Variants in SEMA3C observed in about 807,000 individuals in gnomAD.
SEMA3C encodes semaphorin-3C.
In SEMA3C, 47 loss-of-function variants were observed where a neutral mutation model predicts 89.4. The ratio of observed to expected loss-of-function variants is 0.53; its 90% CI spans 0.42 to 0.67. The LOEUF (loss-of-function observed/expected upper bound fraction) is 0.67. Ranked by LOEUF, SEMA3C falls within the 30% of genes least tolerant of loss-of-function variation. The pLI, the probability that SEMA3C is intolerant of heterozygous loss-of-function variation, is 0.00. For missense variants in SEMA3C, 839 were observed against 929.1 expected (o/e 0.90, Z 1.26); for synonymous variants, 310 against 320.2 (o/e 0.97, Z 0.34).
intron 12 of SEMA3C, among the ~76,000 whole-genome samples, chr7:80,789,082 A>C (rs1025600848): frequency 6.6e-6 from 1 of 151,950 alleles, no homozygotes; most frequent in South Asian, 2.1e-4. Context: ...TATAATGTAT[A>C]TATCTCTATA....
In SEMA3C at chr7:80,745,216, G is replaced by C. The variant is rs76734464; in HGVS notation, c.1934C>G (p.Ala645Gly). The C allele has an allele frequency of 1.6e-3, 2,541 of 1,613,988 alleles. 31 individuals carry two copies. The African/African-American group carries it at 0.029, about 19-fold the overall frequency. ...GSDQGLYHCIATENSFKQTIA... is the reference protein window; with the variant it reads ...GSDQGLYHCIGTENSFKQTIA... ...GGTCTGCTTGAAACTATTTTCTGTA[G>C]CAATGCAGTGATAAAGTCCTTGGTC... is the stretch of plus-strand genomic sequence containing the variant. The change falls in exon 18 of 18, where the codon GCT becomes GGT. Residue 645 changes from alanine to glycine, a missense_variant. Ala to Gly is a moderately conservative substitution (Grantham distance 60). Transcript: ENST00000265361.
intron 2 of SEMA3C, among the ~76,000 whole-genome samples, chr7:80,871,612 T>C (rs1203494628): frequency 1.3e-5 from 2 of 152,224 alleles, no homozygotes; most frequent in African/African-American, 4.8e-5. Flanking sequence ...CAGTAGGATA[T>C]AAATAACTCC....
chr7:80,888,694 T>A (rs7806477), intron 2 of SEMA3C, among the ~76,000 whole-genome samples: 3,387 of 152,156 alleles, frequency 0.022, 118 homozygotes, highest in African/African-American at 0.076. Context: ...GTATGAAGAT[T>A]TTTATACCAA....
chr7:80,796,841 A>C (rs1789077439), intron 11 of SEMA3C, among the ~76,000 whole-genome samples: 1 of 152,212 alleles, frequency 6.6e-6, no homozygotes, highest in Non-Finnish European at 1.5e-5. Context: ...AACAAAACTT[A>C]AGCTTTAAAA....
Position 80,833,060 on chromosome 7 carries a change from G to C in SEMA3C, c.104-4315C>G, listed in dbSNP as rs191289395. ...AAAACCAAGAGTGTGATCTTAGCTG[G>C]GAAAATAGGCTCAACTAAATTTTAT... On this transcript the variant is annotated intron_variant, in intron 2 of 17. Coordinates refer to ENST00000265361, the MANE Select transcript of SEMA3C (RefSeq NM_006379.5). 6.0e-4 allele frequency among the ~76,000 whole-genome samples: 91 copies of C among 151,992 alleles called. 1 individual carries two copies. Among genetic ancestry groups the C allele is most frequent in the Admixed American group, 1.2e-3 (19 of 15,234 alleles).
At chr7:80,745,423 C>T in intron 17 of SEMA3C, 116 bp from the exon 18 acceptor site, 1 of 996,082 alleles carries the variant, frequency 1.0e-6, no homozygotes, top group Non-Finnish European at 1.5e-6. Context: ...GTATTGAGCA[C>T]TACTTAGCAT....
chr7:80,856,400 G>A (rs966021920), intron 2 of SEMA3C, among the ~76,000 whole-genome samples: 2 of 151,572 alleles, frequency 1.3e-5, no homozygotes, highest in African/African-American at 2.4e-5. Flanking sequence ...GTGAACTAAC[G>A]AAATGATAAC....
At chr7:80,863,981 T>A (rs541311601) in intron 2 of SEMA3C, among the ~76,000 whole-genome samples, 1 of 143,342 alleles carries the variant, frequency 7.0e-6, no homozygotes, top group African/African-American at 2.7e-5. Context: ...ATATCACATA[T>A]ATCACATGTA....
chr7:80,856,786 C>T (rs1035800151), intron 2 of SEMA3C, among the ~76,000 whole-genome samples: 8 of 152,006 alleles, frequency 5.3e-5, no homozygotes, highest in Non-Finnish European at 1.2e-4. Context: ...AGAAACTGGA[C>T]CTAATCTTAA....
chr7:80,770,537 T>C (rs945458017), intron 12 of SEMA3C, among the ~76,000 whole-genome samples: 3 of 152,262 alleles, frequency 2.0e-5, no homozygotes, highest in African/African-American at 7.2e-5. Context: ...ATAATAACCA[T>C]GCTTTTCATA....
chr7:80,874,135 C>G lies in SEMA3C; in HGVS notation c.103+42544G>C, dbSNP rs115686936. On this transcript the variant is annotated intron_variant, in intron 2 of 17. Transcript: ENST00000265361. The stretch of plus-strand genomic sequence containing the variant: ...TAATCAATGGTTTTGGAGCTTTTCA[C>G]AGTAAGTTATCTCATCCATTAGACT... Among the ~76,000 whole-genome samples, 657 of 152,242 alleles carry G rather than the reference C, an allele frequency of 4.3e-3. 5 individuals are homozygous for G. Among genetic ancestry groups the G allele is most frequent in the African/African-American group, 0.015 (604 of 41,552 alleles).
intron 12 of SEMA3C, among the ~76,000 whole-genome samples, chr7:80,767,306 G>C (rs1788327270): frequency 6.6e-6 from 1 of 152,156 alleles, no homozygotes; most frequent in Non-Finnish European, 1.5e-5. Flanking sequence ...TTTGAAATTA[G>C]ATGATCCAAA....
chr7:80,849,828 T>C (rs1790472210), intron 2 of SEMA3C, among the ~76,000 whole-genome samples: 1 of 152,168 alleles, frequency 6.6e-6, no homozygotes, highest in Admixed American at 6.5e-5. Context: ...AGAATATTCA[T>C]TTATATAACA....
chr7:80,750,469 T>TAC (rs1458342632), intron 16 of SEMA3C, among the ~76,000 whole-genome samples: 47 of 50,202 alleles, frequency 9.4e-4, no homozygotes, highest in Admixed American at 3.1e-3. Context: ...TATATATATA[T>TAC]ATATACACAC....
chr7:80,878,309 C>T (rs184558497), intron 2 of SEMA3C, among the ~76,000 whole-genome samples: 53 of 152,086 alleles, frequency 3.5e-4, no homozygotes, highest in Middle Eastern at 3.4e-3. Flanking sequence ...ACCTGGGAGG[C>T]GGAGGTTGCG....
chr7:80,799,681 A>T (rs897254967), intron 10 of SEMA3C, among the ~76,000 whole-genome samples: 4 of 151,724 alleles, frequency 2.6e-5, no homozygotes, highest in African/African-American at 4.8e-5. Flanking sequence ...GTCTCTACTA[A>T]AAATAAATAA....
chr7:80,761,162 TA>T (rs2117052379), intron 14 of SEMA3C, among the ~76,000 whole-genome samples: 1 of 152,256 alleles, frequency 6.6e-6, no homozygotes, highest in Non-Finnish European at 1.5e-5. Flanking sequence ...AATATTTCCT[TA>T]AAAATAAGCA....
chr7:80,788,941 CAAG>C (rs1480565697), intron 12 of SEMA3C, among the ~76,000 whole-genome samples: 3 of 152,110 alleles, frequency 2.0e-5, no homozygotes, highest in South Asian at 2.1e-4. Context: ...TCCATTGAGA[CAAG>C]AAGAAGTTTT....
At chr7:80,920,365 C>G (rs1051248856), upstream of SEMA3C, among the ~76,000 whole-genome samples, 1 of 152,158 alleles carries the variant, frequency 6.6e-6, no homozygotes, top group Non-Finnish European at 1.5e-5. Flanking sequence ...ATATCTCCAC[C>G]TTATACCTGA....
Sources: gnomAD v4.1 joint callset for allele counts (sites outside exome capture counted in the v4.1 genomes callset) on GRCh38, gnomAD v4.1.1 for gene constraint, MANE v1.5 for transcripts, NCBI Gene and HGNC (gene_info 2026-07-23, HGNC 2026-07-21) for gene names.